The following CEP170 variants were observed in gnomAD, a reference collection of about 807,000 sequenced individuals.
CEP170 encodes centrosomal protein of 170 kDa.
Under a neutral mutation model 151.9 loss-of-function variants are expected in CEP170, and 21 were observed. The observed-to-expected ratio is 0.14, with a 90% CI of 0.10 to 0.20. The LOEUF (loss-of-function observed/expected upper bound fraction) is 0.20. Among genes scored for constraint, CEP170 ranks in the 10% least tolerant of loss-of-function variants. CEP170 has a pLI of 1.00. For missense variants in CEP170, 964 were observed against 1,892.9 expected, an observed-to-expected ratio of 0.51 and a Z score of 9.11; for synonymous variants, 356 against 648.8, an observed-to-expected ratio of 0.55 and a Z score of 6.86.
intron 3 of CEP170, among the ~76,000 whole-genome samples, chr1:243,217,815 G>A (rs1022365781): frequency 6.6e-6 from 1 of 152,184 alleles, no homozygotes; most frequent in South Asian, 2.1e-4. Context: ...ACCTGGTGGT[G>A]AGGAAAATGA....
chr1:243,213,505 T>C (rs887450117), intron 3 of CEP170, among the ~76,000 whole-genome samples: 7 of 152,160 alleles, frequency 4.6e-5, no homozygotes, highest in African/African-American at 1.7e-4. Context: ...TATGATAATG[T>C]TGATAAAGCT....
At chr1:243,220,978 T>C (rs1372247594) in intron 3 of CEP170, among the ~76,000 whole-genome samples, 1 of 152,206 alleles carries the variant, frequency 6.6e-6, no homozygotes, top group African/African-American at 2.4e-5. Flanking sequence ...TTTTTTACCC[T>C]AGCAGAGAAA....
At chr1:243,139,136 C>G (rs1169055989) in intron 16 of CEP170, among the ~76,000 whole-genome samples, 1 of 150,484 alleles carries the variant, frequency 6.6e-6, no homozygotes, top group African/African-American at 2.4e-5. Context: ...GAGTCTCACT[C>G]TGTCACCCAG....
chr1:243,254,022 T>C (rs923556), intron 1 of CEP170, among the ~76,000 whole-genome samples: 151,972 of 152,148 alleles, frequency 1, 75,900 homozygotes, highest in Non-Finnish European at 1. Flanking sequence ...ATGCATTACC[T>C]GCCCAATGAA....
chr1:243,250,472 A>G (rs1472212550), intron 1 of CEP170, among the ~76,000 whole-genome samples: 2 of 152,258 alleles, frequency 1.3e-5, no homozygotes, highest in African/African-American at 4.8e-5. Context: ...AGCTAAGTGT[A>G]AAAATGTTGG....
intron 15 of CEP170, among the ~76,000 whole-genome samples, chr1:243,140,939 G>A (rs1216340430): frequency 6.6e-6 from 1 of 152,256 alleles, no homozygotes; most frequent in East Asian, 1.9e-4. Context: ...CCACCAGGAC[G>A]ATCCTTAAGG....
chr1:243,224,466 T>C (rs893231229), intron 2 of CEP170, among the ~76,000 whole-genome samples: 1 of 150,242 alleles, frequency 6.7e-6, no homozygotes, highest in Non-Finnish European at 1.5e-5. Flanking sequence ...AAAAAAAAAA[T>C]TGCAAAAAAA....
At chr1:243,242,764 A>G (rs2064982548) in intron 1 of CEP170, among the ~76,000 whole-genome samples, 1 of 151,694 alleles carries the variant, frequency 6.6e-6, no homozygotes, top group Non-Finnish European at 1.5e-5. Context: ...GCAGTGGCGC[A>G]ATCTCGGCTC....
chr1:243,172,276 T>C (rs1276932505), intron 11 of CEP170, among the ~76,000 whole-genome samples: 2 of 152,214 alleles, frequency 1.3e-5, no homozygotes, highest in Admixed American at 1.3e-4. Context: ...TTTATAAAAA[T>C]TTAGTTTTTA....
chr1:243,216,662 A>C (rs1416961240), intron 3 of CEP170, among the ~76,000 whole-genome samples: 1 of 152,202 alleles, frequency 6.6e-6, no homozygotes, highest in Non-Finnish European at 1.5e-5. Flanking sequence ...AAATCAGAAA[A>C]AGTTACAATC....
chr1:243,173,578 A>C (rs376794781), intron 10 of CEP170, among the ~76,000 whole-genome samples: 1 of 151,694 alleles, frequency 6.6e-6, no homozygotes, highest in African/African-American at 2.4e-5. Flanking sequence ...TCTACTAAAA[A>C]TACAAAAATT....
At chr1:243,184,881 C>G (rs1242278503) in intron 10 of CEP170, among the ~76,000 whole-genome samples, 2 of 152,166 alleles carry the variant, frequency 1.3e-5, no homozygotes, top group South Asian at 2.1e-4. Context: ...GCCTGAGAAG[C>G]TGCATTTCTA....
At chr1:243,189,657 G>T (rs560229496) in intron 8 of CEP170, among the ~76,000 whole-genome samples, 1 of 151,440 alleles carries the variant, frequency 6.6e-6, no homozygotes, top group East Asian at 1.9e-4. Flanking sequence ...TTTTTAAAAT[G>T]ATTACCTTTT....
At chr1:243,141,610 C>G (rs866164952) in intron 15 of CEP170, among the ~76,000 whole-genome samples, 1 of 152,182 alleles carries the variant, frequency 6.6e-6, no homozygotes, top group African/African-American at 2.4e-5. Context: ...CAAATCAAAG[C>G]AGCCAACATG....
chr1:243,234,161 G>A (rs940399016), intron 1 of CEP170, among the ~76,000 whole-genome samples: 2 of 151,978 alleles, frequency 1.3e-5, no homozygotes, highest in African/African-American at 4.8e-5. Flanking sequence ...AGAAATAGCT[G>A]GCCTCACATT....
chr1:243,216,601 A>T (rs11803601), intron 3 of CEP170, among the ~76,000 whole-genome samples: 7,854 of 152,258 alleles, frequency 0.052, 663 homozygotes, highest in African/African-American at 0.18. Context: ...ATTTCTATGC[A>T]TAAATAGCTC....
intron 1 of CEP170, among the ~76,000 whole-genome samples, chr1:243,247,011 C>T (rs2065468452): frequency 6.6e-6 from 1 of 152,092 alleles, no homozygotes; most frequent in African/African-American, 2.4e-5. Context: ...CACTTTACCC[C>T]TATTATCATC....
In CEP170 at chr1:243,140,015, A is replaced by G. The variant is rs765573695; in HGVS notation, c.4152T>C (p.Ser1384=). 1.2e-6 allele frequency: 2 copies of G among 1,613,860 alleles called. No homozygotes were observed. Among genetic ancestry groups the G allele is most frequent in the Non-Finnish European group, 1.7e-6 (2 of 1,179,872 alleles). Residue 1384 remains serine, a synonymous_variant, in exon 16 of 20, where the codon TCT becomes TCC. Transcript: ENST00000366542. ...SKTPEGNNGR[S]GDPRPQAAEP... Reference sequence around the variant, plus strand: ...CTGCTGCTTGAGGTCTTGGATCACCAGATCGACCGTTGTTTCCTTCTGGTG... The same window carrying G: ...CTGCTGCTTGAGGTCTTGGATCACCGGATCGACCGTTGTTTCCTTCTGGTG...
At chr1:243,249,227 A>T (rs905674314) in intron 1 of CEP170, among the ~76,000 whole-genome samples, 2 of 152,142 alleles carry the variant, frequency 1.3e-5, no homozygotes, top group African/African-American at 4.8e-5. Context: ...GGAATTCAAG[A>T]CCAGCCTTGG....
Sources: allele counts gnomAD v4.1 joint callset (sites outside exome capture counted in the v4.1 genomes callset), GRCh38; gene constraint gnomAD v4.1.1; transcripts MANE v1.5; gene names NCBI Gene and HGNC (gene_info 2026-07-23, HGNC 2026-07-21).